The following CDKAL1 variants were observed in gnomAD, a reference collection of about 807,000 sequenced individuals.
The protein encoded by CDKAL1 is CDKAL1 threonylcarbamoyladenosine tRNA methylthiotransferase, also known as threonylcarbamoyladenosine tRNA methylthiotransferase.
CDKAL1 carries 32 observed loss-of-function variants against 68.2 expected under a neutral mutation model. The ratio of observed to expected loss-of-function variants is 0.47; its 90% CI spans 0.35 to 0.63. CDKAL1 has a LOEUF of 0.63. Ranked by LOEUF, CDKAL1 falls within the 30% of genes least tolerant of loss-of-function variation. CDKAL1 has a pLI of 0.00. For synonymous variants in CDKAL1, 234 were observed against 244.3 expected (o/e 0.96, Z 0.39); for missense variants, 606 against 696.7 (o/e 0.87, Z 1.47).
chr6:20,923,689 G>A (rs186182753), intron 9 of CDKAL1, among the ~76,000 whole-genome samples: 23 of 152,276 alleles, frequency 1.5e-4, no homozygotes, highest in Middle Eastern at 3.4e-3. Context: ...CAAGTGAGAG[G>A]AGGGGCTGCA....
chr6:20,723,279 G>A (rs958900576), intron 5 of CDKAL1, among the ~76,000 whole-genome samples: 1 of 152,220 alleles, frequency 6.6e-6, no homozygotes, highest in Non-Finnish European at 1.5e-5. Flanking sequence ...AACACACGCT[G>A]TCTGCGGATG....
rs774071483 is a variant in CDKAL1 at position 20,969,260 on chromosome 6, C to G, written c.909+13675C>G. Among the ~76,000 whole-genome samples, 6 of 152,096 alleles carry G rather than the reference C, an allele frequency of 3.9e-5. No homozygotes were observed. The South Asian group carries it at 1.2e-3, about 32-fold the overall frequency. Reference sequence around the variant, plus strand: ...TTAACATAAACAATCAATTAATGCACGTGTGTTATGTGTATTATATACTGT... The same window carrying G: ...TTAACATAAACAATCAATTAATGCAGGTGTGTTATGTGTATTATATACTGT... On this transcript the variant is annotated intron_variant, in intron 10 of 15. Transcript: ENST00000274695.
chr6:21,230,504 G>A (rs951041486), intron 15 of CDKAL1, among the ~76,000 whole-genome samples: 1 of 152,036 alleles, frequency 6.6e-6, no homozygotes, highest in African/African-American at 2.4e-5. Flanking sequence ...AGAAGATATG[G>A]TTGCATCTCT....
chr6:20,853,375 G>C (rs550863958), intron 9 of CDKAL1, among the ~76,000 whole-genome samples: 1 of 132,796 alleles, frequency 7.5e-6, no homozygotes, highest in Non-Finnish European at 1.5e-5. Flanking sequence ...AGGGGATTTC[G>C]TCTCAAAAAA....
At chr6:20,689,345 T>C (rs1464622053) in intron 5 of CDKAL1, among the ~76,000 whole-genome samples, 1 of 152,174 alleles carries the variant, frequency 6.6e-6, no homozygotes, top group Non-Finnish European at 1.5e-5. Flanking sequence ...AATTACAGTT[T>C]AGATTTTCCT....
chr6:21,001,680 G>C, intron 11 of CDKAL1, among the ~76,000 whole-genome samples: 1 of 152,068 alleles, frequency 6.6e-6, no homozygotes, highest in East Asian at 1.9e-4. Context: ...ATTTTTATTT[G>C]TTTAAGTATC....
At chr6:20,713,414 A>C (rs535132568) in intron 5 of CDKAL1, among the ~76,000 whole-genome samples, 3 of 152,316 alleles carry the variant, frequency 2.0e-5, no homozygotes, top group South Asian at 4.1e-4. Context: ...CTAAGAGTAC[A>C]TGATGTAAAT....
intron 13 of CDKAL1, among the ~76,000 whole-genome samples, chr6:21,188,792 A>G (rs949233041): frequency 1.3e-5 from 2 of 152,044 alleles, no homozygotes; most frequent in Non-Finnish European, 2.9e-5. Flanking sequence ...GGTAGATTTC[A>G]TGTTATATGT....
chr6:20,540,077 C>CTTTTTTTTTTTTTTTTTTTTTTTT (rs71538791), intron 2 of CDKAL1, among the ~76,000 whole-genome samples: 2 of 131,266 alleles, frequency 1.5e-5, no homozygotes, highest in Non-Finnish European at 3.2e-5. Flanking sequence ...TTGGGATTGT[C>CTTTTTTTTTTTTTTTTTTTTTTTT]TTTTTTTTTT....
intron 9 of CDKAL1, among the ~76,000 whole-genome samples, chr6:20,897,297 C>T (rs1761743388): frequency 6.6e-6 from 1 of 152,134 alleles, no homozygotes; most frequent in Admixed American, 6.5e-5. Context: ...TGGGACACCA[C>T]AAGAAAAGAG....
At chr6:21,050,647 A>G (rs1770491787) in intron 11 of CDKAL1, among the ~76,000 whole-genome samples, 1 of 152,214 alleles carries the variant, frequency 6.6e-6, no homozygotes, top group African/African-American at 2.4e-5. Context: ...CACCACTCAA[A>G]GGTGGGCATG....
At chr6:20,722,491 A>G in intron 5 of CDKAL1, 1 of 316,136 alleles carries the variant, frequency 3.2e-6, no homozygotes, top group Non-Finnish European at 6.0e-6. Context: ...GAATTCCAGA[A>G]AATGGGTTTA....
intron 6 of CDKAL1, among the ~76,000 whole-genome samples, chr6:20,742,937 TACAAATTAGGAAAC>T (rs1773519849): frequency 6.6e-6 from 1 of 152,086 alleles, no homozygotes; most frequent in African/African-American, 2.4e-5. Context: ...GAAAACAAAT[TACAAATTAGGAAAC>T]AAAATTATCT....
At chr6:20,542,418 T>C (rs1015941409) in intron 2 of CDKAL1, among the ~76,000 whole-genome samples, 4 of 152,172 alleles carry the variant, frequency 2.6e-5, no homozygotes, top group Non-Finnish European at 5.9e-5. Context: ...AATTTATCTG[T>C]GTTTCAGTTT....
intron 9 of CDKAL1, among the ~76,000 whole-genome samples, chr6:20,891,821 C>T (rs989704847): frequency 3.3e-5 from 5 of 152,326 alleles, no homozygotes; most frequent in South Asian, 2.1e-4. Context: ...GCGTGAGCCA[C>T]GGCGCCTGGC....
chr6:20,825,358 T>C (rs1341145488), intron 8 of CDKAL1, among the ~76,000 whole-genome samples: 1 of 152,136 alleles, frequency 6.6e-6, no homozygotes, highest in African/African-American at 2.4e-5. Flanking sequence ...GTGGGTTCTG[T>C]TGAGACTGCA....
chr6:21,160,369 C>T (rs1182819307), intron 13 of CDKAL1, among the ~76,000 whole-genome samples: 1 of 151,764 alleles, frequency 6.6e-6, no homozygotes. Context: ...GCAATCTCGG[C>T]TCACTGCAAC....
At chr6:21,164,359 G>A (rs1032791839) in intron 13 of CDKAL1, among the ~76,000 whole-genome samples, 1 of 151,848 alleles carries the variant, frequency 6.6e-6, no homozygotes, top group African/African-American at 2.4e-5. Flanking sequence ...CCTAGATTTA[G>A]CCAGAACCCA....
At chr6:20,748,555 G>GAAAAAAAAAAAAAAAAAAAAAAAA (rs760404728) in intron 6 of CDKAL1, among the ~76,000 whole-genome samples, 1 of 28,742 alleles carries the variant, frequency 3.5e-5, no homozygotes, top group Non-Finnish European at 6.8e-5. Flanking sequence ...TCTGTTTCTG[G>GAAAAAAAAAAAAAAAAAAAAAAAA]AAAAAAAAAA....
Sources: allele counts gnomAD v4.1 joint callset (sites outside exome capture counted in the v4.1 genomes callset), GRCh38; gene constraint gnomAD v4.1.1; transcripts MANE v1.5; gene names NCBI Gene and HGNC (gene_info 2026-07-23, HGNC 2026-07-21).